Variants in CCDC190 observed in about 807,000 individuals in gnomAD.
The protein encoded by CCDC190 is coiled-coil domain containing 190.
Under a neutral mutation model 13.1 loss-of-function variants are expected in CCDC190, and 10 were observed. The ratio of observed to expected loss-of-function variants is 0.77; its 90% CI spans 0.47 to 1.30. The LOEUF is 1.30. Among genes scored for constraint, CCDC190 ranks in the 50% most tolerant of loss-of-function variants. CCDC190 has a pLI of 0.00. For synonymous variants in CCDC190, 136 were observed against 127.2 expected, an observed-to-expected ratio of 1.07 and a Z score of -0.47; for missense variants, 375 against 354.3, an observed-to-expected ratio of 1.06 and a Z score of -0.47.
rs1269544616 is a variant in CCDC190 at position 162,851,483 on chromosome 1, C to T, written c.*3282G>A. The T allele has an allele frequency of 6.6e-6, 1 of 152,004 alleles. No individual in the cohort carries two copies. Among genetic ancestry groups the T allele is most frequent in the African/African-American group, 2.4e-5 (1 of 41,320 alleles). The allele number at this position is 152,004 out of a possible 1,614,324, so 9.4% of individuals were successfully genotyped here. ...AAGGCTCATTTCACCCTGAGAGGAG[C>T]TGGTCCCTCCAGTGTTCATGGTAAA... On this transcript the variant is annotated 3_prime_UTR_variant, in exon 4 of 4. Transcript: ENST00000367912.
At chr1:162,856,060 A>G in intron 2 of CCDC190, 2 of 201,340 alleles carry the variant, frequency 9.9e-6, no homozygotes, top group Non-Finnish European at 2.0e-5. Flanking sequence ...CACAATTTTC[A>G]GAAGGAACCA....
intron 2 of CCDC190, among the ~76,000 whole-genome samples, chr1:162,857,889 T>C (rs1650359841): frequency 6.6e-6 from 1 of 152,248 alleles, no homozygotes; most frequent in African/African-American, 2.4e-5. Flanking sequence ...AAGTCTGGTC[T>C]GAAATACAGC....
intron 2 of CCDC190, among the ~76,000 whole-genome samples, chr1:162,857,096 A>G (rs954015564): frequency 2.6e-5 from 4 of 152,192 alleles, no homozygotes; most frequent in African/African-American, 7.2e-5. Flanking sequence ...ACTTTGTGCC[A>G]GGTAATATAC....
chr1:162,866,688 C>G (rs924693207), intron 1 of CCDC190, among the ~76,000 whole-genome samples: 5 of 152,002 alleles, frequency 3.3e-5, no homozygotes, highest in South Asian at 4.2e-4. Flanking sequence ...TATCTGATTT[C>G]GAGACTTATT....
Position 162,853,124 on chromosome 1 carries a change from A to G in CCDC190, c.*1641T>C, listed in dbSNP as rs775013242. ...GCAGATTTCTTGTGTTCCTTTCACT[A>G]TAAAGTATTGTCTCCCCATTGAAGG... On this transcript the variant is annotated 3_prime_UTR_variant, in exon 4 of 4. Coordinates refer to ENST00000367912, the MANE Select transcript of CCDC190 (RefSeq NM_001394065.1). The G allele has an allele frequency of 9.7e-6, 15 of 1,550,694 alleles. No homozygotes were observed. Among genetic ancestry groups the G allele is most frequent in the Non-Finnish European group, 1.3e-5 (15 of 1,146,816 alleles).
chr1:162,868,144 G>C (rs1264770992), intron 1 of CCDC190, among the ~76,000 whole-genome samples: 1 of 152,138 alleles, frequency 6.6e-6, no homozygotes, highest in Non-Finnish European at 1.5e-5. Context: ...AAAAAATAGA[G>C]TTTGTCTCCA....
chr1:162,865,212 T>C (rs2102265974), upstream of CCDC190, among the ~76,000 whole-genome samples: 1 of 152,092 alleles, frequency 6.6e-6, no homozygotes, highest in South Asian at 2.1e-4. Context: ...CATAATAAAA[T>C]CCACAATATT....
At chr1:162,863,294 C>T (rs12743780), upstream of CCDC190, among the ~76,000 whole-genome samples, 464 of 152,252 alleles carry the variant, frequency 3.0e-3, 2 homozygotes, top group Non-Finnish European at 4.9e-3. Flanking sequence ...TGTCCTATCC[C>T]TTGGTTTCCT....
Position 162,855,189 on chromosome 1 carries a change from GA to G in CCDC190, c.481del (p.Ser161LeufsTer2). The G allele has an allele frequency of 6.2e-7, 1 of 1,613,974 alleles. No individual in the cohort carries two copies. The highest frequency in any genetic ancestry group is 8.5e-7 in the Non-Finnish European group (1 of 1,179,870). On this transcript the variant is annotated frameshift_variant, in exon 4 of 4. Coordinates refer to ENST00000367912, the MANE Select transcript of CCDC190 (RefSeq NM_001394065.1). LOFTEE classifies it low-confidence loss of function (END_TRUNC). ...KEQPQAQEKD[S>X]VNPSKDVDPS... ...GTCTACGTCCTTAGATGGATTCACA[GA>G]ATCTTTCTCTTGGGCTTGTGGTTGC...
chr1:162,855,398 T>C, intron 3 of CCDC190, 39 bp from the exon 4 acceptor site: 3 of 1,551,428 alleles, frequency 1.9e-6, no homozygotes, highest in Non-Finnish European at 2.6e-6. Context: ...TGAAAACCAA[T>C]AAAAAGGCTC....
At chr1:162,855,520 T>C (rs1650270823) in intron 3 of CCDC190, 112 bp downstream of exon 3, 1 of 1,511,404 alleles carries the variant, frequency 6.6e-7, no homozygotes, top group African/African-American at 1.4e-5. Context: ...GCAGGGAAAA[T>C]GTCTCACTTA....
intron 2 of CCDC190, among the ~76,000 whole-genome samples, chr1:162,856,405 C>A (rs1463108576): frequency 6.6e-6 from 1 of 152,164 alleles, no homozygotes. Context: ...TTCCTTTGAA[C>A]ATTTTACTTG....
chr1:162,853,055 C>T lies in CCDC190; in HGVS notation c.*1710G>A, dbSNP rs1395646702. On this transcript the variant is annotated 3_prime_UTR_variant, in exon 4 of 4. Coordinates refer to ENST00000367912, the MANE Select transcript of CCDC190 (RefSeq NM_001394065.1). ...AATCAGTTCTGTCACTTATGGCCTG[C>T]CTTCCTCTGTTGCTTTGCTTCATGG... is the stretch of plus-strand genomic sequence containing the variant. 2.1e-6 allele frequency: 3 copies of T among 1,429,612 alleles called. No individual in the cohort carries two copies. The highest frequency in any genetic ancestry group is 2.9e-6 in the Non-Finnish European group (3 of 1,037,276). 88.6% of individuals were successfully genotyped at this position (1,429,612 alleles called of 1,614,324 possible).
chr1:162,866,577 G>A (rs1174525255), intron 1 of CCDC190, among the ~76,000 whole-genome samples: 3 of 151,132 alleles, frequency 2.0e-5, no homozygotes, highest in Non-Finnish European at 4.4e-5. Flanking sequence ...TTTTTTTTCT[G>A]GCAAATAAAG....
At chr1:162,855,902 A>G in intron 2 of CCDC190, 147 bp from the exon 3 acceptor site, 1 of 660,478 alleles carries the variant, frequency 1.5e-6, no homozygotes, top group Non-Finnish European at 2.5e-6. Flanking sequence ...TGAGGTCATT[A>G]GGGTGGGTAC....
In CCDC190 at chr1:162,855,729, AAG is replaced by A. The variant is rs756039250; in HGVS notation, c.212_213del (p.Ser71LeufsTer30). 8 of 1,609,774 alleles carry A rather than the reference AAG, an allele frequency of 5.0e-6. No individual in the cohort carries two copies. The highest frequency in any genetic ancestry group is 5.9e-6 in the Non-Finnish European group (7 of 1,177,530). On this transcript the variant is annotated frameshift_variant, in exon 3 of 4. Coordinates refer to ENST00000367912, the MANE Select transcript of CCDC190 (RefSeq NM_001394065.1). LOFTEE classifies it high-confidence loss of function. ...CTCTTCTGAAATCCATTCCCCAAAT[AAG>A]AGGAGAACTTTTTCTTCATGGTTTC... ...QQETMKKKFS[S>X]YLGNGFQKRP...
chr1:162,861,179 T>C (rs1039536509), upstream of CCDC190: 4 of 216,646 alleles, frequency 1.8e-5, no homozygotes, highest in African/African-American at 9.7e-5. Flanking sequence ...TAAATACACT[T>C]GAAAGCTCTC....
Position 162,855,194 on chromosome 1 carries a change from T to C in CCDC190, c.477A>G (p.Lys159=). 6.2e-7 allele frequency: 1 copy of C among 1,614,002 alleles called. No homozygotes were observed. The highest frequency in any genetic ancestry group is 8.5e-7 in the Non-Finnish European group (1 of 1,179,876). Residue 159 remains lysine, a synonymous_variant, in exon 4 of 4, where the codon AAA becomes AAG. Transcript: ENST00000367912. ...CGTCCTTAGATGGATTCACAGAATC[T>C]TTCTCTTGGGCTTGTGGTTGCTCTT... is the stretch of plus-strand genomic sequence containing the variant. ...FIKEQPQAQE[K]DSVNPSKDVD...
Position 162,853,758 on chromosome 1 carries a change from A to G in CCDC190, c.*1007T>C, listed in dbSNP as rs929147660. On this transcript the variant is annotated 3_prime_UTR_variant, in exon 4 of 4. Transcript: ENST00000367912. ...TTGGGCTGAAGATTTGAATTTACCC[A>G]CCACAGAGGCATGATTTCTTTGAGA... is the stretch of plus-strand genomic sequence containing the variant. Among the ~76,000 whole-genome samples, 24 of 152,172 alleles carry G rather than the reference A, an allele frequency of 1.6e-4. No individual in the cohort carries two copies. The highest frequency in any genetic ancestry group is 1.3e-4 in the Non-Finnish European group (9 of 68,022).
Sources: gnomAD v4.1 joint callset for allele counts (sites outside exome capture counted in the v4.1 genomes callset) on GRCh38, gnomAD v4.1.1 for gene constraint, MANE v1.5 for transcripts, NCBI Gene and HGNC (gene_info 2026-07-23, HGNC 2026-07-21) for gene names.